Variants in SLC9A1 observed in about 807,000 individuals in gnomAD.
The protein encoded by SLC9A1 is sodium/hydrogen exchanger 1.
In SLC9A1, 22 loss-of-function variants were observed where a neutral mutation model predicts 67.9. The observed-to-expected ratio is 0.32, with a 90% CI of 0.23 to 0.46. The LOEUF (loss-of-function observed/expected upper bound fraction) is 0.46, where lower values mean the gene tolerates loss of function less well. Among genes scored for constraint, SLC9A1 ranks in the 20% least tolerant of loss-of-function variants. The pLI, the probability that SLC9A1 is intolerant of heterozygous loss-of-function variation, is 1.00. For synonymous variants in SLC9A1, 421 were observed against 471.8 expected, an observed-to-expected ratio of 0.89 and a Z score of 1.40; for missense variants, 686 against 1,094.8, an observed-to-expected ratio of 0.63 and a Z score of 5.27.
intron 2 of SLC9A1, among the ~76,000 whole-genome samples, chr1:27,111,149 T>C (rs1281259271): frequency 6.6e-6 from 1 of 152,066 alleles, no homozygotes; most frequent in African/African-American, 2.4e-5. Flanking sequence ...GTCTGGGGGA[T>C]AGGACAGGGC....
intron 8 of SLC9A1, 121 bp from the exon 9 acceptor site, chr1:27,102,251 T>C: frequency 7.5e-7 from 1 of 1,339,082 alleles, no homozygotes; most frequent in Non-Finnish European, 1.1e-6. Flanking sequence ...CTCAGGTCCT[T>C]GGTGCGAGCC....
Position 27,111,280 on chromosome 1 carries a change from G to A in SLC9A1, c.814-1503C>T, listed in dbSNP as rs144820619. Among the ~76,000 whole-genome samples, 124 of 152,208 alleles carry A rather than the reference G, an allele frequency of 8.1e-4. 1 individual carries two copies. The highest frequency in any genetic ancestry group is 2.8e-3 in the African/African-American group (118 of 41,522). ...CATGGGCCCATGGAGTCGGCACAGA[G>A]GGGAAAGTCCTCCTTTCTGGCCTGG... On this transcript the variant is annotated intron_variant, in intron 2 of 11. Coordinates refer to ENST00000263980, the MANE Select transcript of SLC9A1 (RefSeq NM_003047.5).
chr1:27,143,262 T>C (rs2083463360), intron 1 of SLC9A1, among the ~76,000 whole-genome samples: 1 of 152,094 alleles, frequency 6.6e-6, no homozygotes, highest in Non-Finnish European at 1.5e-5. Flanking sequence ...TCCTGAATGA[T>C]GTTCCTCTTC....
At chr1:27,126,635 A>T (rs1433606062) in intron 1 of SLC9A1, among the ~76,000 whole-genome samples, 1 of 152,140 alleles carries the variant, frequency 6.6e-6, no homozygotes. Flanking sequence ...CCAGACCACA[A>T]GCAAGTTTCT....
At chr1:27,135,833 A>G (rs1377806390) in intron 1 of SLC9A1, among the ~76,000 whole-genome samples, 2 of 152,274 alleles carry the variant, frequency 1.3e-5, no homozygotes, top group Non-Finnish European at 2.9e-5. Context: ...AGATAGGCTG[A>G]GCAAAAGCAG....
rs2124138246 is a variant in SLC9A1 at position 27,106,531 on chromosome 1, G to C, written c.1283-444C>G. Among the ~76,000 whole-genome samples, 1 of 152,224 alleles carries C rather than the reference G, an allele frequency of 6.6e-6. No homozygotes were observed. The highest frequency in any genetic ancestry group is 1.9e-4 in the East Asian group (1 of 5,182). The stretch of plus-strand genomic sequence containing the variant: ...TCCACCCACAGAACCAGAATCCCTG[G>C]AGGATGAGGCTCAGGAATAAAGGGG... On this transcript the variant is annotated intron_variant, in intron 4 of 11. Transcript: ENST00000263980. This position sits in a 1 kb window ranked among gnomAD's most constrained non-coding sequence, Gnocchi z 4.3.
chr1:27,106,438 T>C lies in SLC9A1; in HGVS notation c.1283-351A>G, dbSNP rs2083185443. Reference sequence around the variant, plus strand: ...TGTGGGGGGTCATGATCCTATTCTCTCTACTTTTCTAAGTACTTGAAATTT... The same window carrying C: ...TGTGGGGGGTCATGATCCTATTCTCCCTACTTTTCTAAGTACTTGAAATTT... On this transcript the variant is annotated intron_variant, in intron 4 of 11. Coordinates refer to ENST00000263980, the MANE Select transcript of SLC9A1 (RefSeq NM_003047.5). This position sits in a 1 kb window ranked among gnomAD's most constrained non-coding sequence, Gnocchi z 4.3. 6.6e-6 allele frequency among the ~76,000 whole-genome samples: 1 copy of C among 152,104 alleles called. No individual in the cohort carries two copies. Among genetic ancestry groups the C allele is most frequent in the Non-Finnish European group, 1.5e-5 (1 of 68,000 alleles).
At chr1:27,116,125 C>T (rs931846565) in intron 1 of SLC9A1, among the ~76,000 whole-genome samples, 1 of 152,030 alleles carries the variant, frequency 6.6e-6, no homozygotes, top group Non-Finnish European at 1.5e-5. Flanking sequence ...TTTGGGAGGC[C>T]GAGGTGGGTG....
intron 5 of SLC9A1, chr1:27,103,961 C>T (rs2083166125): frequency 6.6e-6 from 1 of 152,268 alleles, no homozygotes; most frequent in African/African-American, 2.4e-5. Flanking sequence ...CCAATGTTGC[C>T]TTCAATGAAA....
At chr1:27,121,983 G>A (rs949242264) in intron 1 of SLC9A1, among the ~76,000 whole-genome samples, 1 of 152,140 alleles carries the variant, frequency 6.6e-6, no homozygotes, top group East Asian at 1.9e-4. Flanking sequence ...AATTAGCTGA[G>A]TGTGCGCCTA....
intron 1 of SLC9A1, among the ~76,000 whole-genome samples, chr1:27,146,511 CATGAGG>C (rs1474738188): frequency 6.6e-6 from 1 of 152,204 alleles, no homozygotes; most frequent in African/African-American, 2.4e-5. Context: ...GGAATCAGGG[CATGAGG>C]ATGAAAAGAA....
At chr1:27,152,606 T>C (rs1232357337) in intron 1 of SLC9A1, among the ~76,000 whole-genome samples, 1 of 152,148 alleles carries the variant, frequency 6.6e-6, no homozygotes, top group Non-Finnish European at 1.5e-5. Context: ...GTACACATGG[T>C]TCCCCTTGTC....
intron 1 of SLC9A1, among the ~76,000 whole-genome samples, chr1:27,135,571 C>T (rs2083415570): frequency 6.8e-6 from 1 of 147,974 alleles, no homozygotes; most frequent in African/African-American, 2.5e-5. Flanking sequence ...GTTCTGAGCA[C>T]CTGCTCTCTG....
chr1:27,145,962 A>G (rs187256468), intron 1 of SLC9A1, among the ~76,000 whole-genome samples: 20 of 152,358 alleles, frequency 1.3e-4, no homozygotes, highest in African/African-American at 4.6e-4. Flanking sequence ...CCATAAGATT[A>G]AAATACCAAC....
At chr1:27,128,535 A>G (rs2083361198) in intron 1 of SLC9A1, among the ~76,000 whole-genome samples, 1 of 151,946 alleles carries the variant, frequency 6.6e-6, no homozygotes, top group South Asian at 2.1e-4. Flanking sequence ...GCATACCTGT[A>G]GTCCCAGCTA....
At chr1:27,122,417 G>A (rs2083310294) in intron 1 of SLC9A1, among the ~76,000 whole-genome samples, 1 of 152,076 alleles carries the variant, frequency 6.6e-6, no homozygotes, top group South Asian at 2.1e-4. Flanking sequence ...GAAAAGAGAG[G>A]GGACCTCAAA....
chr1:27,120,178 T>C (rs1386334690), intron 1 of SLC9A1, among the ~76,000 whole-genome samples: 1 of 152,054 alleles, frequency 6.6e-6, no homozygotes, highest in Non-Finnish European at 1.5e-5. Context: ...ACTCTTGTTG[T>C]ACAGTGGCGC....
chr1:27,101,644 TG>T lies in SLC9A1; in HGVS notation c.2037+80del. 1 of 994,944 alleles carries T rather than the reference TG, an allele frequency of 1.0e-6. No homozygotes were observed. Among genetic ancestry groups the T allele is most frequent in the Non-Finnish European group, 1.6e-6 (1 of 641,408 alleles). 61.6% of individuals were successfully genotyped at this position (994,944 alleles called of 1,614,324 possible). A position where few individuals can be genotyped will look rare whatever the true frequency, so the allele number is the denominator to read the frequency against. On this transcript the variant is annotated intron_variant, in intron 10 of 11. Coordinates refer to ENST00000263980, the MANE Select transcript of SLC9A1 (RefSeq NM_003047.5). This position sits in a 1 kb window ranked among gnomAD's most constrained non-coding sequence, Gnocchi z 4.9. ...CGAAAGCCAAACCCTGTTCCTAGAA[TG>T]GGTACATTTCCTTAGAGGCTGTGGC... is the stretch of plus-strand genomic sequence containing the variant.
intron 4 of SLC9A1, among the ~76,000 whole-genome samples, chr1:27,107,199 CA>C (rs2083192609): frequency 3.1e-3 from 1 of 318 alleles, no homozygotes; most frequent in Admixed American, 0.026. Flanking sequence ...TCCACACACA[CA>C]CACACACACC....
Sources: allele counts gnomAD v4.1 joint callset (sites outside exome capture counted in the v4.1 genomes callset), GRCh38; gene constraint gnomAD v4.1.1; non-coding constraint Gnocchi (gnomAD v3.1); transcripts MANE v1.5; gene names NCBI Gene and HGNC (gene_info 2026-07-23, HGNC 2026-07-21).